GGT5: variants seen among roughly 807,000 people sequenced by gnomAD.
The protein encoded by GGT5 is gamma-glutamyltransferase 5.
GGT5 carries 50 observed loss-of-function variants against 58.1 expected under a neutral mutation model. That is an observed-to-expected ratio of 0.86 (90% CI 0.69 to 1.09). The LOEUF is 1.09. GGT5 is among the 50% of genes least tolerant of loss of function. The pLI is 0.00. For missense variants in GGT5, 800 were observed against 789.4 expected (o/e 1.01, Z -0.16); for synonymous variants, 370 against 346.1 (o/e 1.07, Z -0.77).
rs571726804 is a variant in GGT5 at position 24,223,093 on chromosome 22, A to G, written c.1614+1903T>C. Among the ~76,000 whole-genome samples the G allele has an allele frequency of 4.6e-5, 7 of 151,308 alleles. No homozygotes were observed. In the East Asian group the frequency reaches 9.8e-4, roughly 21 times the overall value. Reference sequence around the variant, plus strand: ...CAACAGAGCGAGACTCCGTCTCAAAAAAAAGAAAAAAAAAGAGTCAAGGGA... The same window carrying G: ...CAACAGAGCGAGACTCCGTCTCAAAGAAAAGAAAAAAAAAGAGTCAAGGGA... On this transcript the variant is annotated intron_variant, in intron 11 of 11. Transcript: ENST00000327365.
At chr22:24,240,665 A>G (rs979409060) in intron 1 of GGT5, among the ~76,000 whole-genome samples, 6 of 152,048 alleles carry the variant, frequency 3.9e-5, no homozygotes, top group Non-Finnish European at 8.8e-5. Flanking sequence ...AGCCACACCC[A>G]GCTAATTTTT....
intron 6 of GGT5, among the ~76,000 whole-genome samples, chr22:24,230,902 A>AT (rs1380611125): frequency 6.6e-6 from 1 of 152,154 alleles, no homozygotes; most frequent in Admixed American, 6.5e-5. Context: ...GAGAGGACAC[A>AT]TTTCTGTTAT....
intron 6 of GGT5, among the ~76,000 whole-genome samples, chr22:24,229,385 G>A (rs2047873294): frequency 6.6e-6 from 1 of 151,042 alleles, no homozygotes; most frequent in Non-Finnish European, 1.5e-5. Context: ...CAGCCTTGGC[G>A]ACAGAGCGAG....
intron 1 of GGT5, among the ~76,000 whole-genome samples, chr22:24,238,869 TATATA>T (rs1477990358): frequency 4.2e-4 from 5 of 11,832 alleles, no homozygotes; most frequent in Non-Finnish European, 6.3e-4. Context: ...ATATATAATA[TATATA>T]ATATATATTA....
Position 24,231,518 on chromosome 22 carries a change from G to T in GGT5, c.767C>A (p.Thr256Lys), listed in dbSNP as rs768749416. ...EDIAKEGSQL[T>K]LQDLAKFQPE... is the part of the protein sequence containing the mutation. ...CTGGAACTTGGCCAGGTCCTGCAGCGTCAGCTGGCTCCCTGGGATGAGAAG... is the reference window on the plus strand; with the variant it reads ...CTGGAACTTGGCCAGGTCCTGCAGCTTCAGCTGGCTCCCTGGGATGAGAAG... Residue 256 changes from threonine to lysine, a missense_variant, in exon 6 of 12, where the codon ACG becomes AAG. Thr to Lys is a moderately conservative substitution (Grantham distance 78). Coordinates refer to ENST00000327365, the MANE Select transcript of GGT5 (RefSeq NM_004121.5). The T allele has an allele frequency of 2.5e-6, 4 of 1,590,722 alleles. No individual in the cohort carries two copies. The highest frequency in any genetic ancestry group is 3.4e-6 in the Non-Finnish European group (4 of 1,168,640).
rs775140872 is a variant in GGT5, at chr22:24,232,116, T to C, written c.689A>G (p.Glu230Gly). Residue 230 changes from glutamate to glycine, a missense_variant, in exon 5 of 12, where the codon GAG becomes GGG. Transcript: ENST00000327365. ...LATTLETVAT[E>G]GVEVFYTGRL... ...CCCCGTGTAGAAGACCTCCACGCCC[T>C]CTGTGGCCACGGTCTCCAGGGTGGT... The C allele has an allele frequency of 6.2e-7, 1 of 1,611,216 alleles. No individual in the cohort carries two copies. The highest frequency in any genetic ancestry group is 8.5e-7 in the Non-Finnish European group (1 of 1,178,232).
intron 2 of GGT5, 60 bp from the exon 3 acceptor site, chr22:24,233,653 C>A: frequency 9.9e-7 from 1 of 1,014,238 alleles, no homozygotes; most frequent in Admixed American, 2.4e-5. Flanking sequence ...CTGGCCTGCT[C>A]TAGGCCTCAG....
chr22:24,238,851 TATATTATATATATA>T (rs1569371873), intron 1 of GGT5, among the ~76,000 whole-genome samples: 261 of 14,816 alleles, frequency 0.018, 9 homozygotes, highest in Non-Finnish European at 0.021. Flanking sequence ...ATATATTATA[TATATTATATATATA>T]ATATATATAA....
chr22:24,224,949 G>A (rs1213550835), intron 11 of GGT5, 47 bp downstream of exon 11: 1 of 1,261,344 alleles, frequency 7.9e-7, no homozygotes, highest in East Asian at 2.5e-5. Flanking sequence ...GCACGGATTT[G>A]GGGAGTGGGC....
intron 8 of GGT5, 46 bp downstream of exon 8, chr22:24,226,026 TCTAG>T (rs2047749538): frequency 7.6e-7 from 1 of 1,324,074 alleles, no homozygotes; most frequent in African/African-American, 1.5e-5. Flanking sequence ...GGTGTGCAGG[TCTAG>T]GAGAGGAGGA....
At chr22:24,227,166 T>C (rs1289065123) in intron 6 of GGT5, among the ~76,000 whole-genome samples, 1 of 152,084 alleles carries the variant, frequency 6.6e-6, no homozygotes, top group Non-Finnish European at 1.5e-5. Context: ...TTCAGGCTGG[T>C]ATTGAACTCC....
At chr22:24,238,614 G>A (rs545004221) in intron 1 of GGT5, among the ~76,000 whole-genome samples, 1 of 137,432 alleles carries the variant, frequency 7.3e-6, no homozygotes, top group South Asian at 2.3e-4. Flanking sequence ...TGAGACAGGA[G>A]AATCACTTGA....
At chr22:24,232,249 G>A (rs1323114423) in intron 4 of GGT5, 41 bp from the exon 5 acceptor site, 2 of 1,259,348 alleles carry the variant, frequency 1.6e-6, no homozygotes, top group Non-Finnish European at 2.2e-6. Flanking sequence ...CCAGGTCCCA[G>A]AGGCAGCCAC....
Position 24,231,373 on chromosome 22 carries a change from A to G in GGT5, c.901+11T>C. 6.5e-7 allele frequency: 1 copy of G among 1,539,978 alleles called. No homozygotes were observed. Among genetic ancestry groups the G allele is most frequent in the Non-Finnish European group, 8.8e-7 (1 of 1,140,530 alleles). ...GGGGGTGGGCGCCAGGGCTCTGGGC[A>G]GGGGCTTTACCTCTTAGCACGTTGA... On this transcript the variant is annotated intron_variant, in intron 6 of 11. Transcript: ENST00000327365.
At position 24,232,902 on chromosome 22, in the gene GGT5, C is replaced by T. The variant is rs1268206493; in HGVS notation, c.517G>A (p.Gly173Arg). The part of the protein sequence containing the change: ...FQPTIALLRG[G>R]HVVAPVLSRF... ...CTGAGGACAGGGGCCACCACATGCC[C>T]CCCTCGGAGCAGCGCGATGGTGGGC... is the stretch of plus-strand genomic sequence containing the variant. Residue 173 changes from glycine to arginine, a missense_variant, in exon 4 of 12, where the codon GGG becomes AGG. Transcript: ENST00000327365. 1 of 1,583,742 alleles carries T rather than the reference C, an allele frequency of 6.3e-7. No homozygotes were observed. The highest frequency in any genetic ancestry group is 8.6e-7 in the Non-Finnish European group (1 of 1,164,574).
chr22:24,232,226 C>T lies in GGT5; in HGVS notation c.597-18G>A. On this transcript the variant is annotated intron_variant, in intron 4 of 11. Transcript: ENST00000327365. ...AGAGCTGGCTGGGGGGTGGGGGGAG[C>T]CTCAGGGTGGGGCCAGGTCCCAGAG... The T allele has an allele frequency of 7.2e-7, 1 of 1,395,812 alleles. No individual in the cohort carries two copies. Among genetic ancestry groups the T allele is most frequent in the Non-Finnish European group, 9.7e-7 (1 of 1,032,468 alleles). The allele number at this position is 1,395,812 out of a possible 1,614,324, so 86.5% of individuals were successfully genotyped here.
In GGT5 at chr22:24,233,883, C is replaced by G. The variant is rs1438359063; in HGVS notation, c.295G>C (p.Val99Leu). ...GGGVIFTIYN[V>L]TTGKVEVINA... ...TCACATGTGGGCCCACCTGTTGTCA[C>G]ATTGTAGATGGTGAAGATGACCCCT... Residue 99 changes from valine (V) to leucine (L), a missense_variant, in exon 2 of 12, where the codon GTG becomes CTG. Coordinates refer to ENST00000327365, the MANE Select transcript of GGT5 (RefSeq NM_004121.5). 1.2e-6 allele frequency: 2 copies of G among 1,613,790 alleles called. No homozygotes were observed. The highest frequency in any genetic ancestry group is 3.3e-5 in the Admixed American group (2 of 60,020).
chr22:24,234,127 CA>C, intron 1 of GGT5, 123 bp from the exon 2 acceptor site: 1 of 874,502 alleles, frequency 1.1e-6, no homozygotes, highest in Non-Finnish European at 1.8e-6. Flanking sequence ...CACCAAACCG[CA>C]GATTAGGTTG....
Position 24,244,769 on chromosome 22 carries a change from G to A in GGT5, c.-44C>T, listed in dbSNP as rs2048431094. On this transcript the variant is annotated 5_prime_UTR_variant, in exon 1 of 12. Transcript: ENST00000327365. ...GAGAGGGGCGGCTGGTGGGCAGACG[G>A]AGGGACGGATGGGTGGGCAGATGAA... 6 of 1,561,428 alleles carry A rather than the reference G, an allele frequency of 3.8e-6. No individual in the cohort carries two copies. Among genetic ancestry groups the A allele is most frequent in the East Asian group, 4.7e-5 (2 of 42,648 alleles).
Sources: allele counts gnomAD v4.1 joint callset (sites outside exome capture counted in the v4.1 genomes callset), GRCh38; gene constraint gnomAD v4.1.1; transcripts MANE v1.5; gene names NCBI Gene and HGNC (gene_info 2026-07-23, HGNC 2026-07-21).